The following RFC5 variants were observed in gnomAD, a reference collection of about 807,000 sequenced individuals.
RFC5 encodes replication factor C subunit 5.
In RFC5, 26 loss-of-function variants were observed where a neutral mutation model predicts 44.3. That is an observed-to-expected ratio of 0.59 (90% CI 0.43 to 0.81). RFC5 has a LOEUF of 0.81. Among genes scored for constraint, RFC5 ranks in the 40% least tolerant of loss-of-function variants. The pLI is 0.00. For missense variants in RFC5, 328 were observed against 418.6 expected, an observed-to-expected ratio of 0.78 and a Z score of 1.89; for synonymous variants, 155 against 155.2, an observed-to-expected ratio of 1.00 and a Z score of 0.01.
At chr12:118,027,067 A>C (rs5745871) in intron 8 of RFC5, 49 bp downstream of exon 8, 124,341 of 1,583,422 alleles carry the variant, frequency 0.079, 9,721 homozygotes, top group East Asian at 0.39. Flanking sequence ...AGGTGGCCCC[A>C]GGAGTTCAGG....
chr12:118,038,182 T>C, the RFC5 span: 923 of 1,075,026 alleles, frequency 8.6e-4, 6 homozygotes, highest in African/African-American at 0.013. Flanking sequence ...GCATGCCTTC[T>C]ATTGGGGTGG....
intron 8 of RFC5, 114 bp downstream of exon 8, chr12:118,027,132 T>A: frequency 9.4e-7 from 1 of 1,063,044 alleles, no homozygotes; most frequent in Non-Finnish European, 1.4e-6. Context: ...CAGGCGACTC[T>A]GGTCAGCTTG....
chr12:118,029,673 T>C, intron 9 of RFC5, 98 bp from the exon 10 acceptor site: 2 of 829,526 alleles, frequency 2.4e-6, no homozygotes, highest in Admixed American at 1.7e-5. Context: ...TCAGGACTAG[T>C]TCAGTGTTAA....
the RFC5 span, among the ~76,000 whole-genome samples, chr12:118,040,654 C>CA: frequency 0.16 from 18,763 of 119,850 alleles, 1,478 homozygotes; most frequent in Non-Finnish European, 0.21. Context: ...GGCTCTGTCT[C>CA]AAAAAAAAAA....
intron 5 of RFC5, among the ~76,000 whole-genome samples, chr12:118,023,676 G>C (rs76436865): frequency 0.12 from 17,705 of 151,972 alleles, 1,306 homozygotes; most frequent in South Asian, 0.17. Flanking sequence ...CTCTTTGTTC[G>C]GGTTATTGCT....
chr12:118,040,614 A>G, the RFC5 span, among the ~76,000 whole-genome samples: 4 of 151,304 alleles, frequency 2.6e-5, no homozygotes, highest in Admixed American at 1.3e-4. Flanking sequence ...TACGAAAATT[A>G]GCCAGGCATG....
At chr12:118,033,814 C>T (rs569263679), downstream of RFC5, 25 of 233,162 alleles carry the variant, frequency 1.1e-4, no homozygotes, top group Middle Eastern at 1.7e-3. Flanking sequence ...TCGTTCCCAG[C>T]GGAGGGAGTG....
rs1029348759 is a variant in RFC5, at chr12:118,031,948, G to A, written c.*670G>A. 1 of 152,200 alleles carries A rather than the reference G, an allele frequency of 6.6e-6. No homozygotes were observed. The highest frequency in any genetic ancestry group is 2.4e-5 in the African/African-American group (1 of 41,458). The allele number at this position is 152,200 out of a possible 1,614,324, so 9.4% of individuals were successfully genotyped here. On this transcript the variant is annotated 3_prime_UTR_variant, in exon 11 of 11. Transcript: ENST00000454402. The stretch of plus-strand genomic sequence containing the variant: ...GGCAGAGGCTGTATAAAACGCACTT[G>A]TTTTCATGCAGGAGCGGGGCAAGTA...
At position 118,026,897 on chromosome 12, in the gene RFC5, T is replaced by C. The variant is rs1379776448; in HGVS notation, c.672T>C (p.Asn224=). Residue 224 remains asparagine, a synonymous_variant, in exon 8 of 11, where the codon AAT becomes AAC. Transcript: ENST00000454402. ...CCCCTCTGTCTACACAGAGCACCAA[T>C]ATGGCCTTTGGGAAGGTGACAGAGG... is the stretch of plus-strand genomic sequence containing the variant. The part of the protein sequence containing the change: ...RRALNILQST[N]MAFGKVTEET... The C allele has an allele frequency of 1.2e-6, 2 of 1,613,906 alleles. No individual in the cohort carries two copies. The highest frequency in any genetic ancestry group is 1.7e-6 in the Non-Finnish European group (2 of 1,179,934).
chr12:118,028,388 G>T (rs1417665887), intron 9 of RFC5, among the ~76,000 whole-genome samples: 1 of 151,944 alleles, frequency 6.6e-6, no homozygotes, highest in Non-Finnish European at 1.5e-5. Context: ...GGGAGGCTGA[G>T]GTGGGAGAAT....
At chr12:118,034,167 C>T (rs752466225), downstream of RFC5, 2 of 1,613,500 alleles carry the variant, frequency 1.2e-6, no homozygotes, top group Non-Finnish European at 1.7e-6. Context: ...ATTTACCCTG[C>T]TACAAAGAAG....
chr12:118,038,901 G>A, the RFC5 span, among the ~76,000 whole-genome samples: 3 of 151,976 alleles, frequency 2.0e-5, no homozygotes, highest in Non-Finnish European at 2.9e-5. Flanking sequence ...GGCTGGTCTC[G>A]GACACCTGAC....
At chr12:118,039,540 T>C in the RFC5 span, among the ~76,000 whole-genome samples, 1 of 151,938 alleles carries the variant, frequency 6.6e-6, no homozygotes, top group African/African-American at 2.4e-5. Context: ...TGGAAGGGTA[T>C]ATACTCCTAA....
In RFC5 at chr12:118,029,781, A is replaced by G. The variant is rs757987880; in HGVS notation, c.882A>G (p.Pro294=). The G allele has an allele frequency of 6.2e-7, 1 of 1,609,488 alleles. No homozygotes were observed. ...TTGTTTTTCCCTCAGTTGACTTTCC[A>G]TCTTCAGTTCGAATACATTTATTGA... ...IHLFVHRVDF[P]SSVRIHLLTK... The change falls in exon 10 of 11, where the codon CCA becomes CCG. Residue 294 remains proline (P), a synonymous_variant. Transcript: ENST00000454402.
At chr12:118,017,219 C>T (rs1367220479) in intron 1 of RFC5, among the ~76,000 whole-genome samples, 1 of 152,208 alleles carries the variant, frequency 6.6e-6, no homozygotes, top group Non-Finnish European at 1.5e-5. Context: ...GCCAAAATGC[C>T]CTCTTCCCAC....
Position 118,019,264 on chromosome 12 carries a change from ATCAT to A in RFC5, c.130+138_130+141del, listed in dbSNP as rs1162803526. 8 of 752,582 alleles carry A rather than the reference ATCAT, an allele frequency of 1.1e-5. No individual in the cohort carries two copies. The highest frequency in any genetic ancestry group is 1.4e-5 in the Non-Finnish European group (6 of 433,268). 46.6% of individuals were successfully genotyped at this position (752,582 alleles called of 1,614,324 possible). A position where few individuals can be genotyped will look rare whatever the true frequency, so the allele number is the denominator to read the frequency against. ...GCGCTTTGTAGAATGTGGCTTTAAG[ATCAT>A]TCATTCATTTTCTTCAGGTTGCTAC... On this transcript the variant is annotated intron_variant, in intron 2 of 10. Coordinates refer to ENST00000454402, the MANE Select transcript of RFC5 (RefSeq NM_007370.7). The surrounding 1 kb of genome is among the most constrained non-coding windows in gnomAD (Gnocchi z 4.2).
At chr12:118,029,060 T>A (rs1019136576) in intron 9 of RFC5, among the ~76,000 whole-genome samples, 19 of 152,270 alleles carry the variant, frequency 1.2e-4, no homozygotes, top group Admixed American at 1.2e-3. Flanking sequence ...GGCCCAGCTC[T>A]GCACCTTGAT....
rs745555121 is a variant in RFC5, at chr12:118,027,980, G to C, written c.821G>C (p.Gly274Ala). The C allele has an allele frequency of 1.2e-6, 2 of 1,610,350 alleles. No homozygotes were observed. Among genetic ancestry groups the C allele is most frequent in the Non-Finnish European group, 1.7e-6 (2 of 1,176,912 alleles). ...ATTACAGAGTTGAAAACTCTGAAGG[G>C]GTTGGCACTGCATGATATCCTGACA... ...RNITELKTLK[G>A]LALHDILTEI... The change falls in exon 9 of 11, where the codon GGG becomes GCG. Residue 274 changes from glycine to alanine, a missense_variant. Physicochemically the swap from Gly to Ala is moderately conservative, Grantham distance 60. Transcript: ENST00000454402.
At chr12:118,023,215 G>A (rs1001927687) in intron 5 of RFC5, among the ~76,000 whole-genome samples, 3 of 151,654 alleles carry the variant, frequency 2.0e-5, no homozygotes, top group Non-Finnish European at 2.9e-5. Context: ...ATTTGGCAGC[G>A]GGAGGGACAG....
Sources: allele counts gnomAD v4.1 joint callset (sites outside exome capture counted in the v4.1 genomes callset), GRCh38; gene constraint gnomAD v4.1.1; non-coding constraint Gnocchi (gnomAD v3.1); transcripts MANE v1.5; gene names NCBI Gene and HGNC (gene_info 2026-07-23, HGNC 2026-07-21).